PARP8: variants seen among roughly 807,000 people sequenced by gnomAD.
PARP8 encodes protein mono-ADP-ribosyltransferase PARP8.
A neutral mutation model predicts 124.1 loss-of-function variants in PARP8; 51 were observed. The ratio of observed to expected loss-of-function variants is 0.41; its 90% CI spans 0.33 to 0.52. The LOEUF is 0.52. Among genes scored for constraint, PARP8 ranks in the 20% least tolerant of loss-of-function variants. PARP8 has a pLI of 0.21. For missense variants in PARP8, 860 were observed against 1,018.9 expected, an observed-to-expected ratio of 0.84 and a Z score of 2.12; for synonymous variants, 391 against 361.5, an observed-to-expected ratio of 1.08 and a Z score of -0.93.
chr5:50,779,586 G>C (rs1436941517), intron 9 of PARP8, among the ~76,000 whole-genome samples: 4 of 152,218 alleles, frequency 2.6e-5, no homozygotes, highest in African/African-American at 7.2e-5. Context: ...TGTTGGAAGA[G>C]ACAGGATGTA....
intron 2 of PARP8, among the ~76,000 whole-genome samples, chr5:50,710,832 A>G (rs913500658): frequency 9.2e-5 from 14 of 152,138 alleles, no homozygotes; most frequent in African/African-American, 3.4e-4. Context: ...ATGTGATTGA[A>G]AATTTTTATA....
intron 7 of PARP8, among the ~76,000 whole-genome samples, chr5:50,766,511 C>A (rs548329182): frequency 1.3e-5 from 2 of 152,252 alleles, no homozygotes; most frequent in African/African-American, 4.8e-5. Flanking sequence ...CTGATAGTTT[C>A]TTTGTGAAAT....
In PARP8 at chr5:50,778,099, T is replaced by C. The variant is rs1201702419; in HGVS notation, c.549T>C (p.Ile183=). 6.2e-7 allele frequency: 1 copy of C among 1,609,126 alleles called. No homozygotes were observed. The highest frequency in any genetic ancestry group is 8.5e-7 in the Non-Finnish European group (1 of 1,178,306). The change falls in exon 8 of 26, where the codon ATT becomes ATC. Residue 183 remains isoleucine, a synonymous_variant. Transcript: ENST00000281631. ...ATGGAGCCATTGATGATGTAGATAT[T>C]GATCTGCATATCGATGTTAGCTTTC... ...REYGAIDDVD[I]DLHIDVSFLD...
chr5:50,824,585 C>CA (rs3842034), intron 17 of PARP8, among the ~76,000 whole-genome samples: 15,264 of 152,088 alleles, frequency 0.1, 786 homozygotes, highest in South Asian at 0.16. Context: ...TTGGGAGCAT[C>CA]ACGTTTTCTT....
At chr5:50,831,946 C>T (rs1747034600) in intron 22 of PARP8, among the ~76,000 whole-genome samples, 1 of 152,138 alleles carries the variant, frequency 6.6e-6, no homozygotes. Flanking sequence ...GAGAACAGGA[C>T]AGCTTCTCTG....
intron 7 of PARP8, among the ~76,000 whole-genome samples, chr5:50,772,278 A>G (rs1243173893): frequency 6.6e-6 from 1 of 152,214 alleles, no homozygotes; most frequent in Non-Finnish European, 1.5e-5. Flanking sequence ...TTAATTCTGC[A>G]TCTTGGCTGT....
chr5:50,809,684 C>T (rs16886309), intron 14 of PARP8, among the ~76,000 whole-genome samples: 23 of 151,796 alleles, frequency 1.5e-4, no homozygotes, highest in African/African-American at 5.1e-4. Flanking sequence ...CACATGTGCT[C>T]CAACAGGAAT....
intron 11 of PARP8, 50 bp downstream of exon 11, chr5:50,794,382 A>G: frequency 6.3e-7 from 1 of 1,590,498 alleles, no homozygotes; most frequent in Non-Finnish European, 8.6e-7. Flanking sequence ...TGAGTGTGTG[A>G]TGTAGTTCAT....
rs1561421693 is a variant in PARP8, at chr5:50,815,417, C to T, written c.1576-15C>T. ...TGGAAAAAAGTTTTGTGATTGATTC[C>T]TTTTTCTTTTGTAGCCTACCGTATG... is the stretch of plus-strand genomic sequence containing the variant. On this transcript the variant is annotated splice_polypyrimidine_tract_variant and intron_variant, in intron 14 of 25. Coordinates refer to ENST00000281631, the MANE Select transcript of PARP8 (RefSeq NM_024615.4). The T allele has an allele frequency of 5.9e-6, 9 of 1,535,976 alleles. No individual in the cohort carries two copies. Among genetic ancestry groups the T allele is most frequent in the Non-Finnish European group, 7.9e-6 (9 of 1,146,484 alleles).
chr5:50,732,221 C>T (rs1029829971), intron 2 of PARP8, among the ~76,000 whole-genome samples: 9 of 152,020 alleles, frequency 5.9e-5, no homozygotes, highest in African/African-American at 2.2e-4. Context: ...CAATACGATA[C>T]ATAGTAATTT....
At chr5:50,787,956 A>T (rs1035999763) in intron 9 of PARP8, among the ~76,000 whole-genome samples, 1 of 149,574 alleles carries the variant, frequency 6.7e-6, no homozygotes, top group Non-Finnish European at 1.5e-5. Context: ...ACACATATAT[A>T]CACATATATA....
At chr5:50,706,815 G>T (rs1276708587) in intron 2 of PARP8, among the ~76,000 whole-genome samples, 1 of 151,938 alleles carries the variant, frequency 6.6e-6, no homozygotes, top group Non-Finnish European at 1.5e-5. Flanking sequence ...TTCATTTTTT[G>T]AAAACAGATA....
intron 14 of PARP8, among the ~76,000 whole-genome samples, chr5:50,813,384 C>G (rs1180833892): frequency 7.6e-6 from 1 of 131,268 alleles, no homozygotes; most frequent in Admixed American, 7.8e-5. Context: ...CATGATTTGG[C>G]TCTCTGTTTG....
At chr5:50,714,232 C>T (rs1755071682) in intron 2 of PARP8, among the ~76,000 whole-genome samples, 1 of 151,870 alleles carries the variant, frequency 6.6e-6, no homozygotes, top group Non-Finnish European at 1.5e-5. Flanking sequence ...CAATACCTTA[C>T]ACACAACAGC....
chr5:50,738,730 A>AT (rs998467097), intron 2 of PARP8, among the ~76,000 whole-genome samples: 2 of 151,744 alleles, frequency 1.3e-5, no homozygotes, highest in Non-Finnish European at 2.9e-5. Flanking sequence ...AAAAAAAAAA[A>AT]AAGAAAATAG....
At chr5:50,729,783 TC>T (rs1237654394) in intron 2 of PARP8, among the ~76,000 whole-genome samples, 1 of 152,210 alleles carries the variant, frequency 6.6e-6, no homozygotes, top group Non-Finnish European at 1.5e-5. Flanking sequence ...AGCTTCAGTA[TC>T]CTTCTTGTCA....
intron 2 of PARP8, chr5:50,669,366 G>A (rs1001349627): frequency 2.6e-5 from 4 of 152,264 alleles, no homozygotes; most frequent in Non-Finnish European, 4.4e-5. Flanking sequence ...AAGGATCTTC[G>A]TATATGACTA....
At chr5:50,718,191 A>G (rs1755512557) in intron 2 of PARP8, among the ~76,000 whole-genome samples, 1 of 152,068 alleles carries the variant, frequency 6.6e-6, no homozygotes, top group African/African-American at 2.4e-5. Context: ...GAATATAATC[A>G]TCAAGGAATT....
intron 2 of PARP8, among the ~76,000 whole-genome samples, chr5:50,682,764 A>G (rs1330503906): frequency 1.3e-5 from 2 of 152,170 alleles, no homozygotes; most frequent in Non-Finnish European, 2.9e-5. Flanking sequence ...GATAGGGTAC[A>G]TTTATATCCT....
Sources: gnomAD v4.1 joint callset for allele counts (sites outside exome capture counted in the v4.1 genomes callset) on GRCh38, gnomAD v4.1.1 for gene constraint, MANE v1.5 for transcripts, NCBI Gene and HGNC (gene_info 2026-07-23, HGNC 2026-07-21) for gene names.